CCSER1: variants seen among roughly 807,000 people sequenced by gnomAD.
The protein encoded by CCSER1 is serine-rich coiled-coil domain-containing protein 1.
Under a neutral mutation model 82.0 loss-of-function variants are expected in CCSER1, and 41 were observed. The ratio of observed to expected loss-of-function variants is 0.50; its 90% CI spans 0.39 to 0.65. The LOEUF (loss-of-function observed/expected upper bound fraction) is 0.65. CCSER1 is among the 30% of genes least tolerant of loss of function. The probability of loss-of-function intolerance (pLI) is 0.00; values close to 1 mark genes in which losing one functional copy is unlikely to be tolerated. For missense variants in CCSER1, 1,119 were observed against 1,064.2 expected (o/e 1.05, Z -0.72); for synonymous variants, 414 against 383.9 (o/e 1.08, Z -0.92).
intron 3 of CCSER1, 118 bp downstream of exon 3, chr4:90,313,165 A>T (rs138522970): frequency 2.6e-5 from 23 of 875,638 alleles, no homozygotes; most frequent in Non-Finnish European, 1.2e-5. Context: ...TGAAGGGAAA[A>T]TTTGTTTCCA....
In CCSER1 at chr4:90,628,078, A is replaced by G; in HGVS notation, c.1778A>G (p.His593Arg). 1 of 1,613,564 alleles carries G rather than the reference A, an allele frequency of 6.2e-7. No homozygotes were observed. Among genetic ancestry groups the G allele is most frequent in the Non-Finnish European group, 8.5e-7 (1 of 1,179,660 alleles). ...GTTGATCAAGAAGCCAGGTGTTCCC[A>G]CATCAGCCGAATGCCCAACAGTCCA... Reference protein sequence around the residue: ...KDVDQEARCSHISRMPNSPSA... With the variant: ...KDVDQEARCSRISRMPNSPSA... Residue 593 changes from histidine (H) to arginine (R), a missense_variant, in exon 6 of 11, where the codon CAC becomes CGC. His to Arg is a conservative substitution (Grantham distance 29). Transcript: ENST00000509176.
At chr4:91,280,512 C>A (rs1742834147) in intron 10 of CCSER1, among the ~76,000 whole-genome samples, 1 of 152,148 alleles carries the variant, frequency 6.6e-6, no homozygotes, top group Non-Finnish European at 1.5e-5. Flanking sequence ...AATAAGTACA[C>A]AGGTGCTGAG....
At chr4:90,832,595 T>A (rs899411552) in intron 8 of CCSER1, among the ~76,000 whole-genome samples, 3 of 152,178 alleles carry the variant, frequency 2.0e-5, no homozygotes, top group Admixed American at 1.3e-4. Flanking sequence ...GGAAACATTT[T>A]TTATCAGTCA....
At chr4:91,184,263 C>A (rs186487954) in intron 10 of CCSER1, among the ~76,000 whole-genome samples, 1 of 152,224 alleles carries the variant, frequency 6.6e-6, no homozygotes, top group Non-Finnish European at 1.5e-5. Context: ...TTAACATGCC[C>A]TGTGGCAACA....
intron 10 of CCSER1, among the ~76,000 whole-genome samples, chr4:91,474,055 T>C (rs556377853): frequency 6.6e-6 from 1 of 152,122 alleles, no homozygotes; most frequent in Non-Finnish European, 1.5e-5. Context: ...TTCAGAGTCA[T>C]GAGTAACAAA....
At chr4:91,395,355 A>T (rs1448224111) in intron 10 of CCSER1, among the ~76,000 whole-genome samples, 3 of 152,116 alleles carry the variant, frequency 2.0e-5, no homozygotes, top group East Asian at 1.9e-4. Flanking sequence ...TGCAGCCATT[A>T]TGTGAGGACA....
chr4:91,511,093 C>T (rs918663080), intron 10 of CCSER1, among the ~76,000 whole-genome samples: 6 of 151,426 alleles, frequency 4.0e-5, no homozygotes, highest in African/African-American at 1.5e-4. Context: ...GGAGCCTTTC[C>T]ACTTTGCTTA....
At chr4:90,250,159 A>G (rs1722139841) in intron 1 of CCSER1, among the ~76,000 whole-genome samples, 1 of 152,112 alleles carries the variant, frequency 6.6e-6, no homozygotes, top group Non-Finnish European at 1.5e-5. Context: ...TGGTTTGCGA[A>G]TATTTTCTTC....
chr4:91,152,066 C>G (rs968374013), intron 10 of CCSER1, among the ~76,000 whole-genome samples: 11 of 152,146 alleles, frequency 7.2e-5, no homozygotes, highest in Non-Finnish European at 1.6e-4. Context: ...CTCATGTTGA[C>G]AGTGGGGTGT....
intron 10 of CCSER1, among the ~76,000 whole-genome samples, chr4:91,515,101 T>C (rs776682466): frequency 4.6e-5 from 7 of 152,174 alleles, no homozygotes; most frequent in Admixed American, 2.0e-4. Flanking sequence ...TCACATATGG[T>C]ATTATGGTAT....
intron 1 of CCSER1, among the ~76,000 whole-genome samples, chr4:90,160,210 A>G (rs973139198): frequency 6.6e-6 from 1 of 152,116 alleles, no homozygotes; most frequent in African/African-American, 2.4e-5. Flanking sequence ...GAGGAGAGGG[A>G]GTAGACTGGA....
intron 10 of CCSER1, among the ~76,000 whole-genome samples, chr4:91,207,532 C>T (rs1036308127): frequency 6.6e-6 from 1 of 151,844 alleles, no homozygotes; most frequent in African/African-American, 2.4e-5. Flanking sequence ...CCTCCAGTTC[C>T]ATACATGTTC....
At chr4:90,518,630 A>C (rs1392091643) in intron 5 of CCSER1, among the ~76,000 whole-genome samples, 1 of 151,990 alleles carries the variant, frequency 6.6e-6, no homozygotes, top group Non-Finnish European at 1.5e-5. Flanking sequence ...TGAGCAGAAA[A>C]TATTAATGAA....
At chr4:90,283,266 A>G (rs1384209708) in intron 1 of CCSER1, among the ~76,000 whole-genome samples, 2 of 152,004 alleles carry the variant, frequency 1.3e-5, no homozygotes, top group African/African-American at 4.8e-5. Flanking sequence ...GTGGCATTGT[A>G]TACCACTAAG....
chr4:90,279,221 A>T (rs911657161), intron 1 of CCSER1, among the ~76,000 whole-genome samples: 1 of 152,034 alleles, frequency 6.6e-6, no homozygotes, highest in Non-Finnish European at 1.5e-5. Context: ...AAACTTAATT[A>T]ATATACAGAT....
chr4:91,084,668 CT>C (rs1723175730), intron 9 of CCSER1, among the ~76,000 whole-genome samples: 2 of 152,044 alleles, frequency 1.3e-5, no homozygotes. Flanking sequence ...ATAATTTAGC[CT>C]CTTTAAACTG....
At chr4:90,553,247 C>A (rs142614892) in intron 5 of CCSER1, among the ~76,000 whole-genome samples, 1 of 152,166 alleles carries the variant, frequency 6.6e-6, no homozygotes. Context: ...GGATTACAGG[C>A]GTGAGCCATT....
chr4:90,283,680 T>C (rs951673109), intron 1 of CCSER1, among the ~76,000 whole-genome samples: 1 of 152,076 alleles, frequency 6.6e-6, no homozygotes, highest in Admixed American at 6.6e-5. Context: ...TATGGTTGAA[T>C]AATATTCCAT....
intron 10 of CCSER1, among the ~76,000 whole-genome samples, chr4:91,168,927 C>T (rs906628790): frequency 1.2e-4 from 18 of 152,190 alleles, no homozygotes; most frequent in African/African-American, 3.9e-4. Context: ...CTGAAACGTG[C>T]TGTGTCAACT....
Sources: gnomAD v4.1 joint callset for allele counts (sites outside exome capture counted in the v4.1 genomes callset) on GRCh38, gnomAD v4.1.1 for gene constraint, MANE v1.5 for transcripts, NCBI Gene and HGNC (gene_info 2026-07-23, HGNC 2026-07-21) for gene names.